The following GRID2 variants were observed in gnomAD, a reference collection of about 807,000 sequenced individuals.
GRID2 encodes the protein glutamate ionotropic receptor delta type subunit 2.
Under a neutral mutation model 114.8 loss-of-function variants are expected in GRID2, and 33 were observed. The ratio of observed to expected loss-of-function variants is 0.29; its 90% CI spans 0.22 to 0.38. The LOEUF is 0.38. Ranked by LOEUF, GRID2 falls within the 10% of genes least tolerant of loss-of-function variation. The pLI is 1.00. For missense variants in GRID2, 1,184 were observed against 1,257.7 expected (o/e 0.94, Z 0.89); for synonymous variants, 505 against 449.9 (o/e 1.12, Z -1.55).
chr4:93,341,059 G>A (rs965590019), intron 8 of GRID2, among the ~76,000 whole-genome samples: 4 of 151,916 alleles, frequency 2.6e-5, no homozygotes, highest in South Asian at 2.1e-4. Flanking sequence ...GATAAACAGC[G>A]GTTTAAAATC....
At chr4:93,379,323 A>G (rs2149305488) in intron 8 of GRID2, among the ~76,000 whole-genome samples, 1 of 152,206 alleles carries the variant, frequency 6.6e-6, no homozygotes, top group African/African-American at 2.4e-5. Context: ...TAGATTTTAA[A>G]AGTTTTTTGA....
At chr4:93,307,937 T>C (rs1242870163) in intron 8 of GRID2, among the ~76,000 whole-genome samples, 1 of 147,004 alleles carries the variant, frequency 6.8e-6, no homozygotes, top group Non-Finnish European at 1.5e-5. Flanking sequence ...AATTTCTTTC[T>C]GATTTTTTTT....
At chr4:92,823,637 G>A (rs1459484558) in intron 2 of GRID2, among the ~76,000 whole-genome samples, 2 of 150,972 alleles carry the variant, frequency 1.3e-5, no homozygotes, top group African/African-American at 4.9e-5. Context: ...CTAGATCATT[G>A]CACAATAAAA....
intron 2 of GRID2, among the ~76,000 whole-genome samples, chr4:92,731,596 G>A (rs1009957180): frequency 2.0e-5 from 3 of 151,906 alleles, no homozygotes; most frequent in Non-Finnish European, 4.4e-5. Context: ...ATTGTTTGGT[G>A]TTAGCCTAAG....
Position 92,373,184 on chromosome 4 carries a change from A to G in GRID2, c.88+68440A>G, listed in dbSNP as rs147947315. 1.6e-3 allele frequency among the ~76,000 whole-genome samples: 246 copies of G among 152,316 alleles called. 2 individuals are homozygous for G. The highest frequency in any genetic ancestry group is 5.8e-3 in the African/African-American group (239 of 41,560). Reference sequence around the variant, plus strand: ...GGTAATTCTTTGTTTGTGAATCTAAACAATTCCTTTTAAAGCAGAAATTCT... The same window carrying G: ...GGTAATTCTTTGTTTGTGAATCTAAGCAATTCCTTTTAAAGCAGAAATTCT... On this transcript the variant is annotated intron_variant, in intron 1 of 15. Transcript: ENST00000282020.
intron 1 of GRID2, among the ~76,000 whole-genome samples, chr4:92,342,132 A>T (rs183313708): frequency 2.0e-5 from 3 of 152,140 alleles, no homozygotes; most frequent in African/African-American, 7.2e-5. Context: ...CTTACAATCT[A>T]TTTGGGGAGA....
chr4:93,207,422 G>C lies in GRID2; in HGVS notation c.754G>C (p.Val252Leu), dbSNP rs750666376. 2 of 1,603,342 alleles carry C rather than the reference G, an allele frequency of 1.2e-6. No homozygotes were observed. The highest frequency in any genetic ancestry group is 2.7e-5 in the African/African-American group (2 of 74,760). Reference protein sequence around the residue: ...FITEVVETNLVAFDCHWIIIN... With the variant: ...FITEVVETNLLAFDCHWIIIN... The stretch of plus-strand genomic sequence containing the variant: ...ATTCTAGGTTGTGGAGACTAATTTG[G>C]TTGCTTTTGACTGTCACTGGATCAT... Residue 252 changes from valine to leucine, a missense_variant, in exon 5 of 16, where the codon GTT (valine) becomes CTT (leucine). Coordinates refer to ENST00000282020, the MANE Select transcript of GRID2 (RefSeq NM_001510.4).
At chr4:93,672,974 G>C (rs781160096) in intron 14 of GRID2, among the ~76,000 whole-genome samples, 22 of 152,138 alleles carry the variant, frequency 1.4e-4, no homozygotes, top group Non-Finnish European at 2.6e-4. Context: ...TCTCTGTAAT[G>C]ATTTTGTGTA....
chr4:93,152,964 T>C (rs185329608), intron 4 of GRID2, among the ~76,000 whole-genome samples: 21 of 152,254 alleles, frequency 1.4e-4, no homozygotes, highest in Non-Finnish European at 2.5e-4. Flanking sequence ...AGACCAATAA[T>C]GTTATTTTGT....
intron 2 of GRID2, among the ~76,000 whole-genome samples, chr4:92,666,695 C>T (rs1232796482): frequency 1.1e-4 from 12 of 108,334 alleles, no homozygotes; most frequent in Non-Finnish European, 1.8e-5. Flanking sequence ...GCCTGCATTT[C>T]TCCCTGGGCA....
chr4:92,762,159 C>T (rs1298567526), intron 2 of GRID2, among the ~76,000 whole-genome samples: 1 of 152,066 alleles, frequency 6.6e-6, no homozygotes, highest in Non-Finnish European at 1.5e-5. Flanking sequence ...ATGATCCACC[C>T]CCCTCAGCCT....
intron 8 of GRID2, among the ~76,000 whole-genome samples, chr4:93,300,472 TA>T (rs1754745622): frequency 6.6e-6 from 1 of 152,346 alleles, no homozygotes; most frequent in African/African-American, 2.4e-5. Flanking sequence ...TGTCCACCAG[TA>T]AAGTCTGTGC....
chr4:92,830,300 T>G lies in GRID2; in HGVS notation c.244+240014T>G, dbSNP rs1432158949. The stretch of plus-strand genomic sequence containing the variant: ...GACAACTGGGATTTACATTGTTTTT[T>G]TTTTTTTTATTCTGAAAGACTCCTT... On this transcript the variant is annotated intron_variant, in intron 2 of 15. Coordinates refer to ENST00000282020, the MANE Select transcript of GRID2 (RefSeq NM_001510.4). Among the ~76,000 whole-genome samples the G allele has an allele frequency of 2.6e-5, 4 of 151,986 alleles. No homozygotes were observed. In the East Asian group the frequency reaches 7.8e-4, roughly 29 times the overall value.
chr4:93,658,649 T>C (rs996660602), intron 14 of GRID2, among the ~76,000 whole-genome samples: 1 of 152,152 alleles, frequency 6.6e-6, no homozygotes, highest in African/African-American at 2.4e-5. Context: ...CCAGTCTCAA[T>C]GACTGGCAAA....
intron 13 of GRID2, among the ~76,000 whole-genome samples, chr4:93,589,444 G>A (rs971914809): frequency 4.0e-5 from 6 of 151,772 alleles, no homozygotes; most frequent in African/African-American, 1.5e-4. Context: ...TCTTAATCTA[G>A]TCTATCATTG....
intron 9 of GRID2, among the ~76,000 whole-genome samples, chr4:93,409,334 C>T (rs1042598370): frequency 6.6e-6 from 1 of 152,086 alleles, no homozygotes; most frequent in East Asian, 1.9e-4. Context: ...TAGTTGATCT[C>T]CTTCCTGGGA....
chr4:92,308,100 T>G (rs1725506777), intron 1 of GRID2, among the ~76,000 whole-genome samples: 1 of 152,174 alleles, frequency 6.6e-6, no homozygotes, highest in Non-Finnish European at 1.5e-5. Context: ...CTGACTGCTA[T>G]TTTCTTCATA....
At chr4:93,608,968 C>A (rs890043163) in intron 13 of GRID2, among the ~76,000 whole-genome samples, 1 of 121,468 alleles carries the variant, frequency 8.2e-6, no homozygotes, top group Non-Finnish European at 1.8e-5. Flanking sequence ...TCCTCTCCAG[C>A]ACCTGTTGTT....
intron 14 of GRID2, among the ~76,000 whole-genome samples, chr4:93,735,857 G>C (rs1730885635): frequency 6.6e-6 from 1 of 151,912 alleles, no homozygotes; most frequent in Non-Finnish European, 1.5e-5. Context: ...TTTTGTTATT[G>C]TTGATGTTGT....
Sources: allele counts gnomAD v4.1 joint callset (sites outside exome capture counted in the v4.1 genomes callset), GRCh38; gene constraint gnomAD v4.1.1; transcripts MANE v1.5; gene names NCBI Gene and HGNC (gene_info 2026-07-23, HGNC 2026-07-21).